Variants in PC observed in about 807,000 individuals in gnomAD.
The protein encoded by PC is pyruvate carboxylase, mitochondrial.
In PC, 46 loss-of-function variants were observed where a neutral mutation model predicts 107.8. The observed-to-expected ratio is 0.43, with a 90% CI of 0.34 to 0.55. PC has a LOEUF of 0.55. PC is among the 20% of genes least tolerant of loss of function. PC has a pLI of 0.04. For synonymous variants in PC, 662 were observed against 684.7 expected (o/e 0.97, Z 0.52); for missense variants, 1,241 against 1,643.1 (o/e 0.76, Z 4.23).
Position 66,849,983 on chromosome 11 carries a change from T to G in PC, c.2852A>C (p.Tyr951Ser). ...GAACCCCCCATGGGGGACACCGATG[T>G]AGCCCTGCAGGAACTCCACCACGGA... ...PRSVVEFLQG[Y>S]IGVPHGGFPE... Residue 951 changes from tyrosine to serine, a missense_variant, in exon 20 of 23, where the codon TAC (tyrosine) becomes TCC (serine). Around this residue, in one of 2 missense-constraint regions of PC, gnomAD observed 1,143 missense variants for 1,551.9 expected, o/e 0.74. Transcript: ENST00000393960. 6.2e-7 allele frequency: 1 copy of G among 1,613,678 alleles called. No homozygotes were observed. The highest frequency in any genetic ancestry group is 1.1e-5 in the South Asian group (1 of 91,084).
At chr11:66,955,596 A>G (rs1310894538) in intron 1 of PC, among the ~76,000 whole-genome samples, 1 of 152,104 alleles carries the variant, frequency 6.6e-6, no homozygotes, top group Non-Finnish European at 1.5e-5. Flanking sequence ...AAAAGCAGAT[A>G]CTGAGCAACT....
chr11:66,957,095 C>T (rs999196259), intron 1 of PC, among the ~76,000 whole-genome samples: 15 of 152,232 alleles, frequency 9.9e-5, no homozygotes, highest in Non-Finnish European at 1.9e-4. Context: ...CTGAGCACAT[C>T]CACCCCCAGC....
chr11:66,871,589 G>T lies in PC; in HGVS notation c.321+98C>A. On this transcript the variant is annotated intron_variant, in intron 5 of 22. Coordinates refer to ENST00000393960, the MANE Select transcript of PC (RefSeq NM_001040716.2). This position sits in a 1 kb window ranked among gnomAD's most constrained non-coding sequence, Gnocchi z 7.4. ...GAGCTGCATCCGTTTACCCACCCAC[G>T]CACAGAGGCGCTGAGCACGCCAGCC... The T allele has an allele frequency of 6.4e-7, 1 of 1,573,466 alleles. No individual in the cohort carries two copies. Among genetic ancestry groups the T allele is most frequent in the Non-Finnish European group, 8.7e-7 (1 of 1,148,738 alleles).
intron 11 of PC, among the ~76,000 whole-genome samples, chr11:66,865,487 A>G (rs1029605446): frequency 6.6e-6 from 1 of 152,162 alleles, no homozygotes; most frequent in African/African-American, 2.4e-5. Flanking sequence ...CACAGCTGGG[A>G]CCAGAGGCGG....
chr11:66,900,903 T>C (rs751732287), intron 3 of PC, among the ~76,000 whole-genome samples: 23 of 152,224 alleles, frequency 1.5e-4, no homozygotes, highest in Non-Finnish European at 2.6e-4. Context: ...TAGGTTTTTC[T>C]ATACAAGATC....
chr11:66,890,009 G>A (rs1027848563), intron 3 of PC, among the ~76,000 whole-genome samples: 1 of 152,070 alleles, frequency 6.6e-6, no homozygotes, highest in Non-Finnish European at 1.5e-5. Flanking sequence ...TAGACATATC[G>A]CAATCTGTAC....
Position 66,952,029 on chromosome 11 carries a change from T to C in PC, c.-1+401A>G, listed in dbSNP as rs540798519. ...TTGAGCGTCACCCTCTGGAAACCCG[T>C]GTCAAGTGACTTTACAACCAGCTGG... On this transcript the variant is annotated intron_variant, in intron 3 of 22. Transcript: ENST00000393960. Among the ~76,000 whole-genome samples the C allele has an allele frequency of 1.8e-3, 275 of 152,312 alleles. 2 individuals carry two copies. Among genetic ancestry groups the C allele is most frequent in the Non-Finnish European group, 3.3e-3 (222 of 68,024 alleles).
At chr11:66,877,114 G>A (rs745526017) in intron 3 of PC, among the ~76,000 whole-genome samples, 16 of 152,198 alleles carry the variant, frequency 1.1e-4, no homozygotes, top group Non-Finnish European at 2.4e-4. Context: ...GGCCAGGCGC[G>A]GTGGCTCACG....
chr11:66,886,209 G>A (rs1305294380), intron 3 of PC, among the ~76,000 whole-genome samples: 1 of 151,628 alleles, frequency 6.6e-6, no homozygotes, highest in African/African-American at 2.4e-5. Flanking sequence ...GGAGGGAGGG[G>A]GGCAGGCAGA....
Position 66,866,300 on chromosome 11 carries a change from G to A in PC, c.1072C>T (p.Pro358Ser), listed in dbSNP as rs201125422. 16 of 1,613,154 alleles carry A rather than the reference G, an allele frequency of 9.9e-6. No individual in the cohort carries two copies. The highest frequency in any genetic ancestry group is 1.3e-5 in the African/African-American group (1 of 74,878). Residue 358 changes from proline (P) to serine (S), a missense_variant, in exon 11 of 23, where the codon CCC becomes TCC. By Grantham distance (74) the Pro-to-Ser change is moderately conservative (BLOSUM62 -1). Coordinates refer to ENST00000393960, the MANE Select transcript of PC (RefSeq NM_001040716.2). This position sits in a 1 kb window ranked among gnomAD's most constrained non-coding sequence, Gnocchi z 5.4. Reference protein sequence around the residue: ...QIHVAEGRSLPDLGLRQENIR... With the variant: ...QIHVAEGRSLSDLGLRQENIR... ...TTCTCCTGCCGCAGGCCCAGGTCGG[G>A]TAGGCTCCTGCCCTCAGCCACGTGG...
intron 3 of PC, among the ~76,000 whole-genome samples, chr11:66,897,202 G>A (rs1472260653): frequency 6.6e-6 from 1 of 152,140 alleles, no homozygotes; most frequent in Non-Finnish European, 1.5e-5. Context: ...CCAAAGTGCT[G>A]GAATTACAGG....
At chr11:66,938,145 A>G (rs1949043749) in intron 3 of PC, among the ~76,000 whole-genome samples, 1 of 152,210 alleles carries the variant, frequency 6.6e-6, no homozygotes, top group Non-Finnish European at 1.5e-5. Flanking sequence ...GCTGGAAAAG[A>G]CTGTGTCTTT....
At position 66,872,055 on chromosome 11, in the gene PC, C is replaced by G. The variant is rs1946757506; in HGVS notation, c.105G>C (p.Lys35Asn). The G allele has an allele frequency of 3.2e-6, 5 of 1,563,338 alleles. No individual in the cohort carries two copies. The highest frequency in any genetic ancestry group is 4.3e-6 in the Non-Finnish European group (5 of 1,153,728). ...TGGCCACCATGACTTTCTTGATGGG[C>G]TTATACTCCAGGCGCCGGACATTTG... The part of the protein sequence containing the change: ...ASPNVRRLEY[K>N]PIKKVMVANR... Residue 35 changes from lysine (K) to asparagine (N), a missense_variant, in exon 4 of 23, where the codon AAG becomes AAC. Lys to Asn is a moderately conservative substitution (Grantham distance 94). Around this residue, in one of 2 missense-constraint regions of PC, gnomAD observed 1,143 missense variants for 1,551.9 expected, o/e 0.74. Transcript: ENST00000393960.
intron 3 of PC, among the ~76,000 whole-genome samples, chr11:66,890,501 CTTTTTT>C (rs542659083): frequency 7.8e-6 from 1 of 128,904 alleles, no homozygotes; most frequent in Non-Finnish European, 1.7e-5. Flanking sequence ...GCAGTTTCAT[CTTTTTT>C]TTTTTTTTTT....
intron 1 of PC, among the ~76,000 whole-genome samples, chr11:66,955,114 C>T (rs1311108752): frequency 6.6e-6 from 1 of 152,246 alleles, no homozygotes; most frequent in East Asian, 1.9e-4. Context: ...TTGCACCCTT[C>T]TCTCCTCACT....
At chr11:66,883,381 C>T (rs896438) in intron 3 of PC, among the ~76,000 whole-genome samples, 11,783 of 152,196 alleles carry the variant, frequency 0.077, 559 homozygotes, top group East Asian at 0.14. Context: ...CCCTGCAGCA[C>T]GGGGTGTGGG....
chr11:66,865,376 A>T (rs1946448072), intron 11 of PC, among the ~76,000 whole-genome samples: 1 of 152,244 alleles, frequency 6.6e-6, no homozygotes, highest in Non-Finnish European at 1.5e-5. Context: ...TTTGGGGCTC[A>T]GGCCCCTGGA....
chr11:66,912,450 T>C (rs1437869055), intron 3 of PC, among the ~76,000 whole-genome samples: 1 of 152,180 alleles, frequency 6.6e-6, no homozygotes, highest in Non-Finnish European at 1.5e-5. Context: ...ACAAACAAGC[T>C]TCTTCACCTT....
chr11:66,875,916 G>A (rs1157630501), intron 3 of PC, among the ~76,000 whole-genome samples: 1 of 152,248 alleles, frequency 6.6e-6, no homozygotes, highest in Non-Finnish European at 1.5e-5. Context: ...CTCCTGATGG[G>A]GTTCCCGCTG....
Sources: gnomAD v4.1 joint callset for allele counts (sites outside exome capture counted in the v4.1 genomes callset) on GRCh38, gnomAD v4.1.1 for gene constraint, gnomAD v4.1.1 regional missense constraint, Gnocchi (gnomAD v3.1) non-coding constraint, MANE v1.5 for transcripts, NCBI Gene and HGNC (gene_info 2026-07-23, HGNC 2026-07-21) for gene names.